The following PIK3AP1 variants were observed in gnomAD, a reference collection of about 807,000 sequenced individuals.
PIK3AP1 encodes phosphoinositide-3-kinase adaptor protein 1.
In PIK3AP1, 21 loss-of-function variants were observed where a neutral mutation model predicts 88.1. That is an observed-to-expected ratio of 0.24 (90% CI 0.17 to 0.34). The LOEUF is 0.34. Ranked by LOEUF, PIK3AP1 falls within the 10% of genes least tolerant of loss-of-function variation. The pLI is 1.00. For missense variants in PIK3AP1, 828 were observed against 1,035.7 expected (o/e 0.80, Z 2.75); for synonymous variants, 398 against 400.0 (o/e 1.00, Z 0.06).
chr10:96,634,991 C>T (rs772780507), intron 8 of PIK3AP1, among the ~76,000 whole-genome samples: 16 of 152,168 alleles, frequency 1.1e-4, no homozygotes, highest in Non-Finnish European at 2.2e-4. Flanking sequence ...TGAACTGAGT[C>T]CTCCCACTGA....
chr10:96,711,377 A>G (rs892203357), intron 1 of PIK3AP1, among the ~76,000 whole-genome samples: 1 of 152,252 alleles, frequency 6.6e-6, no homozygotes, highest in African/African-American at 2.4e-5. Context: ...GTTTTGGGTC[A>G]TCATCTCTCC....
At chr10:96,693,318 C>A (rs1844178936) in intron 2 of PIK3AP1, among the ~76,000 whole-genome samples, 1 of 152,156 alleles carries the variant, frequency 6.6e-6, no homozygotes, top group South Asian at 2.1e-4. Context: ...GGGAGGCTTC[C>A]ATTCTGTTAA....
chr10:96,714,470 T>C (rs1389933475), intron 1 of PIK3AP1, among the ~76,000 whole-genome samples: 1 of 152,168 alleles, frequency 6.6e-6, no homozygotes, highest in African/African-American at 2.4e-5. Flanking sequence ...TTGCACCCAA[T>C]TTAAAAAGTC....
chr10:96,640,827 T>A (rs899006898), intron 8 of PIK3AP1, among the ~76,000 whole-genome samples: 23 of 149,800 alleles, frequency 1.5e-4, no homozygotes, highest in Admixed American at 6.0e-4. Context: ...CCTGCTAATT[T>A]AAAAAAAAAA....
chr10:96,628,254 G>A (rs1240773520), intron 9 of PIK3AP1, 144 bp downstream of exon 9: 2 of 749,422 alleles, frequency 2.7e-6, no homozygotes, highest in Non-Finnish European at 4.7e-6. Flanking sequence ...GGTCGGGGGA[G>A]GCAGAGTGCC....
intron 2 of PIK3AP1, among the ~76,000 whole-genome samples, chr10:96,691,940 T>C (rs1844160405): frequency 6.6e-6 from 1 of 152,264 alleles, no homozygotes; most frequent in Non-Finnish European, 1.5e-5. Flanking sequence ...CATCAGGTCA[T>C]ATTTTTGTTG....
At chr10:96,648,941 T>A in intron 6 of PIK3AP1, 86 bp from the exon 7 acceptor site, 1 of 1,207,764 alleles carries the variant, frequency 8.3e-7, no homozygotes, top group Non-Finnish European at 1.1e-6. Flanking sequence ...CTGCCAAGAC[T>A]AGCATGGCAA....
At chr10:96,621,045 G>A (rs866691839) in intron 11 of PIK3AP1, 5 of 162,784 alleles carry the variant, frequency 3.1e-5, no homozygotes, top group Non-Finnish European at 6.8e-5. Context: ...GGTGGCCCAG[G>A]GTGGCAGTGC....
At chr10:96,632,963 G>T in intron 8 of PIK3AP1, 1 of 1,612,920 alleles carries the variant, frequency 6.2e-7, no homozygotes, top group Non-Finnish European at 8.5e-7. Context: ...GCAGTGAAGA[G>T]AGCTGGTCTT....
rs548952099 is a variant in PIK3AP1 at position 96,704,343 on chromosome 10, C to T, written c.430+5224G>A. ...AGGTACATGACCATTGACCTGACAA[C>T]AGAAAGGTGGCTTAGACCCCTTGTT... is the stretch of plus-strand genomic sequence containing the variant. On this transcript the variant is annotated intron_variant, in intron 2 of 16. Coordinates refer to ENST00000339364, the MANE Select transcript of PIK3AP1 (RefSeq NM_152309.3). 5.9e-5 allele frequency among the ~76,000 whole-genome samples: 9 copies of T among 152,300 alleles called. No individual in the cohort carries two copies. The South Asian group carries it at 1.4e-3, about 25-fold the overall frequency.
chr10:96,619,002 C>T (rs1303746166), intron 12 of PIK3AP1, among the ~76,000 whole-genome samples: 3 of 152,182 alleles, frequency 2.0e-5, no homozygotes, highest in Non-Finnish European at 2.9e-5. Flanking sequence ...TCTTAAGGAG[C>T]ACTAAAAAGG....
intron 15 of PIK3AP1, chr10:96,603,735 C>A: frequency 2.5e-6 from 1 of 393,276 alleles, no homozygotes; most frequent in Non-Finnish European, 4.7e-6. Context: ...ATGTTCTGTC[C>A]CTCTAGAGAA....
In PIK3AP1 at chr10:96,609,729, C is replaced by T; in HGVS notation, c.2153G>A (p.Ser718Asn). The T allele has an allele frequency of 6.2e-7, 1 of 1,613,808 alleles. No individual in the cohort carries two copies. The highest frequency in any genetic ancestry group is 8.5e-7 in the Non-Finnish European group (1 of 1,179,942). Residue 718 changes from serine to asparagine, a missense_variant, in exon 14 of 17, where the codon AGC becomes AAC. Ser to Asn is a conservative substitution (Grantham distance 46). Around this residue, in one of 3 missense-constraint regions of PIK3AP1, gnomAD observed 191 missense variants for 208.6 expected, o/e 0.92. Transcript: ENST00000339364. ...CTGCTCACTTGCTGTGCTGGAGGTG[C>T]TGTCTGTTTTCCAGTCTCCTCGTCT... ...ELRRGDWKTD[S>N]TSSTASSTSN...
chr10:96,689,862 G>A (rs1286725547), intron 2 of PIK3AP1, among the ~76,000 whole-genome samples: 1 of 151,886 alleles, frequency 6.6e-6, no homozygotes, highest in Admixed American at 6.6e-5. Context: ...CTTACTCACT[G>A]CCCCTGCTCA....
At chr10:96,672,671 T>C (rs1843863590) in intron 2 of PIK3AP1, among the ~76,000 whole-genome samples, 1 of 143,736 alleles carries the variant, frequency 7.0e-6, no homozygotes, top group African/African-American at 2.5e-5. Flanking sequence ...GAGGCTGCCA[T>C]GACAACCAAT....
chr10:96,615,084 G>T (rs933508770), intron 13 of PIK3AP1, among the ~76,000 whole-genome samples: 2 of 152,196 alleles, frequency 1.3e-5, no homozygotes, highest in African/African-American at 4.8e-5. Flanking sequence ...GGATGAAAAG[G>T]GCCTGAAGGT....
intron 16 of PIK3AP1, among the ~76,000 whole-genome samples, chr10:96,601,473 C>CAA (rs11407501): frequency 0.24 from 17,737 of 75,440 alleles, 2,656 homozygotes; most frequent in Middle Eastern, 0.35. Flanking sequence ...GAATCTATCT[C>CAA]AAAAAAAAAA....
chr10:96,622,186 TGCTGGCTTCCA>T (rs1305609881), intron 11 of PIK3AP1, among the ~76,000 whole-genome samples: 1 of 152,244 alleles, frequency 6.6e-6, no homozygotes, highest in African/African-American at 2.4e-5. Flanking sequence ...ATAAAGTAGG[TGCTGGCTTCCA>T]GCTGGCTACC....
At chr10:96,666,965 T>C (rs1843771881) in intron 2 of PIK3AP1, among the ~76,000 whole-genome samples, 1 of 151,894 alleles carries the variant, frequency 6.6e-6, no homozygotes, top group Non-Finnish European at 1.5e-5. Flanking sequence ...GGGTTGTGAC[T>C]CTGAAGTTCA....
Sources: gnomAD v4.1 joint callset for allele counts (sites outside exome capture counted in the v4.1 genomes callset) on GRCh38, gnomAD v4.1.1 for gene constraint, gnomAD v4.1.1 regional missense constraint, MANE v1.5 for transcripts, NCBI Gene and HGNC (gene_info 2026-07-23, HGNC 2026-07-21) for gene names.